The following ADARB2 variants were observed in gnomAD, a reference collection of about 807,000 sequenced individuals.
ADARB2 encodes the protein adenosine deaminase RNA specific B2 (inactive).
ADARB2 carries 25 observed loss-of-function variants against 62.2 expected under a neutral mutation model. The ratio of observed to expected loss-of-function variants is 0.40; its 90% CI spans 0.29 to 0.56. The LOEUF (loss-of-function observed/expected upper bound fraction) is 0.56, where lower values mean the gene tolerates loss of function less well. Ranked by LOEUF, ADARB2 falls within the 20% of genes least tolerant of loss-of-function variation. The pLI is 0.43. For missense variants in ADARB2, 1,071 were observed against 1,077.4 expected, an observed-to-expected ratio of 0.99 and a Z score of 0.08; for synonymous variants, 572 against 500.8, an observed-to-expected ratio of 1.14 and a Z score of -1.90.
chr10:1,233,738 C>T lies in ADARB2; in HGVS notation c.1469G>A (p.Cys490Tyr), dbSNP rs1232656763. ...LFHLYVSTSP[C>Y]GDARLHSPYE... ...GGGAGAGTGGAGTCTTGCGTCTCCA[C>T]AGGGGGAGGTGCTCACGTAGAGATG... Residue 490 changes from cysteine to tyrosine, a missense_variant, in exon 6 of 10, where the codon TGT (cysteine) becomes TAT (tyrosine). Coordinates refer to ENST00000381312, the MANE Select transcript of ADARB2 (RefSeq NM_018702.4). 1 of 1,613,900 alleles carries T rather than the reference C, an allele frequency of 6.2e-7. No homozygotes were observed. Among genetic ancestry groups the T allele is most frequent in the Non-Finnish European group, 8.5e-7 (1 of 1,179,958 alleles).
intron 3 of ADARB2, among the ~76,000 whole-genome samples, chr10:1,296,068 G>C (rs908613552): frequency 6.6e-6 from 1 of 152,216 alleles, no homozygotes; most frequent in Non-Finnish European, 1.5e-5. Flanking sequence ...CTTTGGATCA[G>C]CCCCTCTGGA....
At chr10:1,652,918 C>T (rs899832938) in intron 1 of ADARB2, among the ~76,000 whole-genome samples, 4 of 152,136 alleles carry the variant, frequency 2.6e-5, no homozygotes, top group Admixed American at 6.5e-5. Context: ...GGGGCATGCA[C>T]GCTTTCTCTG....
At chr10:1,659,709 C>G (rs1834220248) in intron 1 of ADARB2, among the ~76,000 whole-genome samples, 1 of 152,280 alleles carries the variant, frequency 6.6e-6, no homozygotes, top group African/African-American at 2.4e-5. Flanking sequence ...TCTGGGCAAC[C>G]CATCATGCTG....
intron 1 of ADARB2, among the ~76,000 whole-genome samples, chr10:1,504,893 T>G (rs1352965711): frequency 2.0e-5 from 3 of 152,230 alleles, no homozygotes; most frequent in Admixed American, 2.0e-4. Flanking sequence ...ACCCAGGTTC[T>G]AGGAATGCAA....
chr10:1,267,410 G>A (rs1831215456), intron 4 of ADARB2, among the ~76,000 whole-genome samples: 1 of 152,172 alleles, frequency 6.6e-6, no homozygotes, highest in Non-Finnish European at 1.5e-5. Flanking sequence ...CTCTATGAGG[G>A]GAGACAAAGC....
chr10:1,585,627 C>G (rs1331455889), intron 1 of ADARB2, among the ~76,000 whole-genome samples: 2 of 152,218 alleles, frequency 1.3e-5, no homozygotes, highest in Non-Finnish European at 1.5e-5. Context: ...GAAAAGCTAC[C>G]TATGACCTGG....
intron 1 of ADARB2, among the ~76,000 whole-genome samples, chr10:1,525,625 T>C (rs1832130580): frequency 6.6e-6 from 1 of 152,142 alleles, no homozygotes; most frequent in African/African-American, 2.4e-5. Context: ...AGGGGTTGTA[T>C]GTGCGTCCTG....
chr10:1,502,606 G>A (rs945728844), intron 1 of ADARB2, among the ~76,000 whole-genome samples: 3 of 152,232 alleles, frequency 2.0e-5, no homozygotes, highest in Non-Finnish European at 2.9e-5. Flanking sequence ...CCGCTTGCAG[G>A]GGCCTCAGTC....
At position 1,722,603 on chromosome 10, in the gene ADARB2, A is replaced by C. The variant is rs2119166805; in HGVS notation, c.100+14448T>G. Among the ~76,000 whole-genome samples the C allele has an allele frequency of 3.3e-5, 5 of 152,282 alleles. 2 individuals are homozygous for C. In the South Asian group the frequency reaches 1.0e-3, roughly 32 times the overall value. On this transcript the variant is annotated intron_variant, in intron 1 of 9. Coordinates refer to ENST00000381312, the MANE Select transcript of ADARB2 (RefSeq NM_018702.4). ...TTTTATCGAATGAATAATGTGCTGT[A>C]TTTCATTCCGTTTCTTGGTAGCACA...
At chr10:1,600,727 G>T (rs1588318288) in intron 1 of ADARB2, among the ~76,000 whole-genome samples, 1 of 148,206 alleles carries the variant, frequency 6.7e-6, no homozygotes, top group African/African-American at 2.5e-5. Context: ...TTATGTAATA[G>T]CTGCTCCGAC....
At chr10:1,458,164 C>A (rs1831120374) in intron 1 of ADARB2, among the ~76,000 whole-genome samples, 1 of 152,170 alleles carries the variant, frequency 6.6e-6, no homozygotes. Context: ...CTGTGGTGAA[C>A]CCTCTCTAGG....
chr10:1,267,146 A>C (rs908728664), intron 4 of ADARB2, among the ~76,000 whole-genome samples: 1 of 151,800 alleles, frequency 6.6e-6, no homozygotes, highest in Admixed American at 6.6e-5. Flanking sequence ...TAAAAAAAAA[A>C]AAAAAACCTT....
At chr10:1,258,808 A>G (rs1261546316) in intron 4 of ADARB2, among the ~76,000 whole-genome samples, 1 of 152,198 alleles carries the variant, frequency 6.6e-6, no homozygotes, top group Non-Finnish European at 1.5e-5. Flanking sequence ...CCTAATAGAC[A>G]TCTACAGAAG....
At chr10:1,644,079 A>T (rs895679852) in intron 1 of ADARB2, among the ~76,000 whole-genome samples, 3 of 152,336 alleles carry the variant, frequency 2.0e-5, no homozygotes, top group East Asian at 3.9e-4. Flanking sequence ...GAAGCAGCTA[A>T]TGCGGGGAGA....
intron 1 of ADARB2, among the ~76,000 whole-genome samples, chr10:1,665,481 C>T (rs1020597130): frequency 1.3e-5 from 2 of 152,238 alleles, no homozygotes; most frequent in African/African-American, 4.8e-5. Context: ...CCACGAATGC[C>T]TTCTGCATGC....
intron 5 of ADARB2, among the ~76,000 whole-genome samples, chr10:1,239,082 T>C (rs1450535127): frequency 5.3e-4 from 4 of 7,512 alleles, no homozygotes; most frequent in Non-Finnish European, 6.7e-4. Context: ...TCCCGGTGTT[T>C]ACTCCCCTCT....
rs7090470 is a variant in ADARB2 at position 1,704,758 on chromosome 10, T to A, written c.100+32293A>T. Reference sequence around the variant, plus strand: ...AAATCTGATAGGGTCTCAGAGAGCCTGGAAGCACAGAATGATAAAAAAGCT... The same window carrying A: ...AAATCTGATAGGGTCTCAGAGAGCCAGGAAGCACAGAATGATAAAAAAGCT... On this transcript the variant is annotated intron_variant, in intron 1 of 9. Coordinates refer to ENST00000381312, the MANE Select transcript of ADARB2 (RefSeq NM_018702.4). This position sits in a 1 kb window ranked among gnomAD's most constrained non-coding sequence, Gnocchi z 5.6. Among the ~76,000 whole-genome samples, 15 of 152,134 alleles carry A rather than the reference T, an allele frequency of 9.9e-5. No individual in the cohort carries two copies. Among genetic ancestry groups the A allele is most frequent in the East Asian group, 3.9e-4 (2 of 5,178 alleles).
intron 3 of ADARB2, among the ~76,000 whole-genome samples, chr10:1,274,147 G>A (rs1381220412): frequency 5.9e-5 from 9 of 152,222 alleles, no homozygotes; most frequent in African/African-American, 1.7e-4. Flanking sequence ...CTCTCCCGCC[G>A]GTCCGCCCCA....
At chr10:1,417,531 C>T (rs896670025) in intron 1 of ADARB2, among the ~76,000 whole-genome samples, 20 of 152,182 alleles carry the variant, frequency 1.3e-4, no homozygotes, top group Admixed American at 7.9e-4. Context: ...TACACGTGAA[C>T]GAACACAGTG....
Sources: allele counts gnomAD v4.1 joint callset (sites outside exome capture counted in the v4.1 genomes callset), GRCh38; gene constraint gnomAD v4.1.1; non-coding constraint Gnocchi (gnomAD v3.1); transcripts MANE v1.5; gene names NCBI Gene and HGNC (gene_info 2026-07-23, HGNC 2026-07-21).